The following HOMER2 variants were observed in gnomAD, a reference collection of about 807,000 sequenced individuals.
The protein encoded by HOMER2 is homer protein homolog 2.
HOMER2 carries 27 observed loss-of-function variants against 47.0 expected under a neutral mutation model. That is an observed-to-expected ratio of 0.57 (90% CI 0.42 to 0.79). The LOEUF (loss-of-function observed/expected upper bound fraction) is 0.79. HOMER2 is among the 30% of genes least tolerant of loss of function. The pLI is 0.00. For synonymous variants in HOMER2, 161 were observed against 163.8 expected (o/e 0.98, Z 0.13); for missense variants, 443 against 435.0 (o/e 1.02, Z -0.16).
intron 1 of HOMER2, among the ~76,000 whole-genome samples, chr15:82,981,867 G>A (rs1055959843): frequency 1.3e-5 from 2 of 152,090 alleles, no homozygotes; most frequent in African/African-American, 4.8e-5. Context: ...ATACAGTTAT[G>A]GTTTAATGGG....
At chr15:82,835,100 A>G (rs1411603556), downstream of HOMER2, 1 of 151,164 alleles carries the variant, frequency 6.6e-6, no homozygotes, top group Non-Finnish European at 1.5e-5. Flanking sequence ...CCTGATTGAT[A>G]TAGAACAGAA....
At chr15:82,970,385 T>G (rs933731941) in intron 1 of HOMER2, among the ~76,000 whole-genome samples, 2 of 152,216 alleles carry the variant, frequency 1.3e-5, no homozygotes, top group Admixed American at 6.5e-5. Flanking sequence ...GATAGGACAC[T>G]TCCTTCCAAA....
chr15:82,903,635 C>T (rs1034030684), intron 1 of HOMER2, among the ~76,000 whole-genome samples: 1 of 151,282 alleles, frequency 6.6e-6, no homozygotes, highest in African/African-American at 2.4e-5. Context: ...CACACACACA[C>T]GGCAACAAGA....
At chr15:82,873,157 G>A (rs958839748) in intron 3 of HOMER2, among the ~76,000 whole-genome samples, 3 of 152,056 alleles carry the variant, frequency 2.0e-5, no homozygotes, top group East Asian at 3.9e-4. Flanking sequence ...CCTGACTCCC[G>A]GCCCTGCTGA....
upstream of HOMER2, among the ~76,000 whole-genome samples, chr15:82,955,744 A>G (rs1789968577): frequency 6.6e-6 from 1 of 152,250 alleles, no homozygotes; most frequent in Non-Finnish European, 1.5e-5. Context: ...ATAAATGTTG[A>G]TCACCTGCTG....
At chr15:82,984,419 T>C (rs2030516973) in intron 1 of HOMER2, among the ~76,000 whole-genome samples, 1 of 152,178 alleles carries the variant, frequency 6.6e-6, no homozygotes, top group Admixed American at 6.5e-5. Flanking sequence ...ATCCATACTA[T>C]CCTATATACT....
chr15:82,984,719 G>T (rs1348980989), intron 1 of HOMER2, among the ~76,000 whole-genome samples: 2 of 152,154 alleles, frequency 1.3e-5, no homozygotes, highest in Non-Finnish European at 2.9e-5. Flanking sequence ...CGGAGGCTGA[G>T]CTGAGAGGAT....
At chr15:82,873,109 T>C (rs1388971914) in intron 3 of HOMER2, among the ~76,000 whole-genome samples, 1 of 152,104 alleles carries the variant, frequency 6.6e-6, no homozygotes, top group Non-Finnish European at 1.5e-5. Flanking sequence ...AGGCACCAAA[T>C]GGCCTTGAAA....
intron 1 of HOMER2, among the ~76,000 whole-genome samples, chr15:82,943,933 G>A (rs1350060819): frequency 6.6e-6 from 1 of 152,158 alleles, no homozygotes; most frequent in Non-Finnish European, 1.5e-5. Context: ...TGACTCCTCT[G>A]GCTAGTGGCA....
intron 1 of HOMER2, among the ~76,000 whole-genome samples, chr15:82,924,823 A>G (rs79884938): frequency 1.9e-3 from 284 of 152,310 alleles, no homozygotes; most frequent in African/African-American, 6.1e-3. Flanking sequence ...AACAGAAAGG[A>G]AAAAAAGATT....
chr15:82,837,643 C>CAA (rs2151580519), exon 2 of HOMER2: 1 of 152,262 alleles, frequency 6.6e-6, no homozygotes, highest in South Asian at 2.1e-4. Context: ...CAGGTCGTCC[C>CAA]AAGTCTGGAG....
chr15:82,917,115 A>AT (rs2053612318), intron 1 of HOMER2, among the ~76,000 whole-genome samples: 3 of 152,120 alleles, frequency 2.0e-5, no homozygotes, highest in Non-Finnish European at 4.4e-5. Context: ...CCCTCATTTT[A>AT]CAATTTTTGT....
At chr15:82,976,837 T>C (rs1315149740) in intron 1 of HOMER2, among the ~76,000 whole-genome samples, 1 of 151,668 alleles carries the variant, frequency 6.6e-6, no homozygotes, top group East Asian at 1.9e-4. Flanking sequence ...CCACCATGCC[T>C]GGCTGATTTT....
intron 6 of HOMER2, among the ~76,000 whole-genome samples, chr15:82,853,283 T>C (rs1342504837): frequency 6.6e-6 from 1 of 152,164 alleles, no homozygotes. Context: ...CTGCTGGCTA[T>C]CAGACTGAGA....
chr15:82,971,593 G>C (rs956685274), intron 1 of HOMER2, among the ~76,000 whole-genome samples: 1 of 152,082 alleles, frequency 6.6e-6, no homozygotes, highest in Non-Finnish European at 1.5e-5. Flanking sequence ...TTTCTCTTTA[G>C]ATGCAACAAC....
chr15:82,960,828 C>CA (rs1419136505), intron 1 of HOMER2, among the ~76,000 whole-genome samples: 1 of 152,142 alleles, frequency 6.6e-6, no homozygotes, highest in Non-Finnish European at 1.5e-5. Context: ...GCTGATCCAC[C>CA]AGTTGCTCTA....
chr15:82,913,572 C>T lies in HOMER2; in HGVS notation c.6-20731G>A, dbSNP rs1350376374. Among the ~76,000 whole-genome samples, 1 of 152,204 alleles carries T rather than the reference C, an allele frequency of 6.6e-6. No homozygotes were observed. The highest frequency in any genetic ancestry group is 1.9e-4 in the East Asian group (1 of 5,194). ...GTAATTTCATCCCAACAGCAGCACT[C>T]TATCAGGCCATCTTCCTGAAAGCAA... is the stretch of plus-strand genomic sequence containing the variant. On this transcript the variant is annotated intron_variant, in intron 1 of 8. Transcript: ENST00000450735. This position sits in a 1 kb window ranked among gnomAD's most constrained non-coding sequence, Gnocchi z 4.1.
At chr15:82,955,171 CTTTTTTT>C (rs537098552), upstream of HOMER2, among the ~76,000 whole-genome samples, 1 of 133,804 alleles carries the variant, frequency 7.5e-6, no homozygotes, top group South Asian at 2.3e-4. Context: ...TTTTCTTTTT[CTTTTTTT>C]TTTTTTTTTG....
Position 82,864,279 on chromosome 15 carries a change from A to C in HOMER2, c.295-20T>G. 6.4e-7 allele frequency: 1 copy of C among 1,574,196 alleles called. No individual in the cohort carries two copies. The highest frequency in any genetic ancestry group is 8.7e-7 in the Non-Finnish European group (1 of 1,148,190). On this transcript the variant is annotated intron_variant, in intron 3 of 8. Coordinates refer to ENST00000450735, the MANE Select transcript of HOMER2 (RefSeq NM_004839.4). ...TGCAAACTGAACATGAAGAATAGTT[A>C]TTAAGGCTTTTATTAACCTCACTCA...
Sources: allele counts gnomAD v4.1 joint callset (sites outside exome capture counted in the v4.1 genomes callset), GRCh38; gene constraint gnomAD v4.1.1; non-coding constraint Gnocchi (gnomAD v3.1); transcripts MANE v1.5; gene names NCBI Gene and HGNC (gene_info 2026-07-23, HGNC 2026-07-21).